NCOA2: variants seen among roughly 807,000 people sequenced by gnomAD.
The protein encoded by NCOA2 is class E basic helix-loop-helix protein 75.
NCOA2 carries 21 observed loss-of-function variants against 145.1 expected under a neutral mutation model. The observed-to-expected ratio is 0.14, with a 90% CI of 0.10 to 0.21. The LOEUF is 0.21. NCOA2 is among the 10% of genes least tolerant of loss of function. NCOA2 has a pLI of 1.00. For synonymous variants in NCOA2, 619 were observed against 637.5 expected (o/e 0.97, Z 0.44); for missense variants, 1,472 against 1,837.6 (o/e 0.80, Z 3.64).
At chr8:70,267,073 T>A (rs1824659615) in intron 2 of NCOA2, among the ~76,000 whole-genome samples, 1 of 152,210 alleles carries the variant, frequency 6.6e-6, no homozygotes, top group South Asian at 2.1e-4. Context: ...TTTCTTGTGA[T>A]GTATATATAC....
chr8:70,182,142 ATG>A (rs1815552555), intron 4 of NCOA2, among the ~76,000 whole-genome samples: 1 of 152,236 alleles, frequency 6.6e-6, no homozygotes. Context: ...TTCAACATTA[ATG>A]CACTATATAT....
At chr8:70,246,606 G>C (rs1028955664) in intron 2 of NCOA2, among the ~76,000 whole-genome samples, 1 of 151,972 alleles carries the variant, frequency 6.6e-6, no homozygotes. Flanking sequence ...TTAACCATTT[G>C]TAAGTGTACA....
At chr8:70,398,703 A>C (rs1813925097) in intron 1 of NCOA2, among the ~76,000 whole-genome samples, 4 of 152,192 alleles carry the variant, frequency 2.6e-5, no homozygotes, top group African/African-American at 9.7e-5. Context: ...CTGTGTCCAA[A>C]GCCTCAAAAA....
chr8:70,218,799 A>AT (rs1320309608), intron 2 of NCOA2, among the ~76,000 whole-genome samples: 2 of 152,202 alleles, frequency 1.3e-5, no homozygotes, highest in Admixed American at 6.5e-5. Flanking sequence ...CAAACTTAAG[A>AT]AAGTTTCTAT....
chr8:70,283,999 T>C (rs936952873), intron 2 of NCOA2, among the ~76,000 whole-genome samples: 1 of 152,160 alleles, frequency 6.6e-6, no homozygotes, highest in Admixed American at 6.5e-5. Flanking sequence ...TTAGAAGTAT[T>C]CCTCTTGAAT....
At chr8:70,200,144 A>G (rs1049540604) in intron 4 of NCOA2, among the ~76,000 whole-genome samples, 2 of 152,202 alleles carry the variant, frequency 1.3e-5, no homozygotes, top group African/African-American at 4.8e-5. Context: ...GGTTATACAC[A>G]AATACTATAC....
At chr8:70,268,980 A>G (rs1824827623) in intron 2 of NCOA2, among the ~76,000 whole-genome samples, 1 of 152,160 alleles carries the variant, frequency 6.6e-6, no homozygotes, top group Non-Finnish European at 1.5e-5. Context: ...CCTCAAATTT[A>G]TTATTTTAAT....
intron 2 of NCOA2, among the ~76,000 whole-genome samples, chr8:70,293,714 C>CA (rs1356494649): frequency 6.6e-6 from 1 of 152,126 alleles, no homozygotes; most frequent in Non-Finnish European, 1.5e-5. Flanking sequence ...GCTATATTGC[C>CA]AAATAGATTT....
At chr8:70,325,463 G>A (rs936598750) in intron 1 of NCOA2, among the ~76,000 whole-genome samples, 6 of 149,744 alleles carry the variant, frequency 4.0e-5, no homozygotes, top group African/African-American at 7.4e-5. Context: ...ACACTCTGTC[G>A]CCCAGGCTGG....
intron 2 of NCOA2, among the ~76,000 whole-genome samples, chr8:70,264,879 A>C (rs1364889130): frequency 6.6e-6 from 1 of 152,210 alleles, no homozygotes. Context: ...GTTGCAGAAT[A>C]ATATGAATAG....
the NCOA2 span, among the ~76,000 whole-genome samples, chr8:70,431,114 A>G: frequency 6.6e-6 from 1 of 152,194 alleles, no homozygotes; most frequent in African/African-American, 2.4e-5. Flanking sequence ...AAAATTATAT[A>G]TGCAGATAAG....
At chr8:70,452,771 C>T in the NCOA2 span, among the ~76,000 whole-genome samples, 1 of 148,280 alleles carries the variant, frequency 6.7e-6, no homozygotes, top group Non-Finnish European at 1.5e-5. Flanking sequence ...AAGACCCAAA[C>T]AAAAACATAA....
chr8:70,393,763 T>C (rs1813414991), intron 1 of NCOA2, among the ~76,000 whole-genome samples: 1 of 152,222 alleles, frequency 6.6e-6, no homozygotes, highest in African/African-American at 2.4e-5. Flanking sequence ...ATGTGTTTTC[T>C]TAAAGTGAAA....
intron 1 of NCOA2, among the ~76,000 whole-genome samples, 189 bp downstream of exon 1, chr8:70,403,511 G>T (rs1217094114): frequency 6.7e-6 from 1 of 148,276 alleles, no homozygotes; most frequent in Non-Finnish European, 1.5e-5. Flanking sequence ...GCGCCTCCGG[G>T]ATGCAACTCC....
chr8:70,186,079 ACTCT>A (rs759989274), intron 4 of NCOA2, among the ~76,000 whole-genome samples: 4 of 149,290 alleles, frequency 2.7e-5, no homozygotes, highest in Admixed American at 2.0e-4. Flanking sequence ...ACACTCTCTC[ACTCT>A]CTCTCTCTCT....
intron 4 of NCOA2, among the ~76,000 whole-genome samples, chr8:70,179,210 A>G (rs1464831498): frequency 6.6e-6 from 1 of 152,224 alleles, no homozygotes; most frequent in Non-Finnish European, 1.5e-5. Context: ...TTAATTCTGT[A>G]TTGAATTTGT....
chr8:70,196,946 TA>T (rs1563604164), intron 4 of NCOA2, among the ~76,000 whole-genome samples: 1 of 152,216 alleles, frequency 6.6e-6, no homozygotes, highest in African/African-American at 2.4e-5. Flanking sequence ...TCAGTTTCCT[TA>T]TCTATGAAAC....
intron 1 of NCOA2, among the ~76,000 whole-genome samples, chr8:70,399,986 T>G (rs1349474107): frequency 6.6e-6 from 1 of 152,196 alleles, no homozygotes; most frequent in Non-Finnish European, 1.5e-5. Flanking sequence ...ATCCTTGATG[T>G]TACTGAAGCT....
chr8:70,234,210 C>T lies in NCOA2; in HGVS notation c.-19-17446G>A, dbSNP rs562315538. On this transcript the variant is annotated intron_variant, in intron 2 of 22. Transcript: ENST00000452400. The stretch of plus-strand genomic sequence containing the variant: ...ATCAGTACTTCATTTCTTTTTATGG[C>T]CAAATATTCCATTGTATAGCTATAC... Among the ~76,000 whole-genome samples, 19 of 152,246 alleles carry T rather than the reference C, an allele frequency of 1.2e-4. No individual in the cohort carries two copies. The South Asian group carries it at 3.5e-3, about 28-fold the overall frequency.
Sources: allele counts gnomAD v4.1 joint callset (sites outside exome capture counted in the v4.1 genomes callset), GRCh38; gene constraint gnomAD v4.1.1; transcripts MANE v1.5; gene names NCBI Gene and HGNC (gene_info 2026-07-23, HGNC 2026-07-21).